The following DTNA variants were observed in gnomAD, a reference collection of about 807,000 sequenced individuals.
DTNA encodes dystrobrevin alpha.
Under a neutral mutation model 100.7 loss-of-function variants are expected in DTNA, and 43 were observed. The observed-to-expected ratio is 0.43, with a 90% CI of 0.33 to 0.55. The LOEUF is 0.55. DTNA is among the 20% of genes least tolerant of loss of function. DTNA has a pLI of 0.04. For synonymous variants in DTNA, 349 were observed against 347.9 expected, an observed-to-expected ratio of 1.00 and a Z score of -0.04; for missense variants, 798 against 953.9, an observed-to-expected ratio of 0.84 and a Z score of 2.15.
intron 1 of DTNA, among the ~76,000 whole-genome samples, chr18:34,543,048 A>G (rs1439628063): frequency 2.0e-5 from 3 of 152,092 alleles, no homozygotes; most frequent in African/African-American, 7.2e-5. Flanking sequence ...AATCTTATTT[A>G]GTAGTATAAT....
intron 17 of DTNA, among the ~76,000 whole-genome samples, chr18:34,870,818 C>G (rs35264829): frequency 1.3e-5 from 2 of 152,214 alleles, no homozygotes; most frequent in African/African-American, 4.8e-5. Context: ...TCTCCCCACA[C>G]TTTCTCATTT....
chr18:34,866,882 T>A, intron 17 of DTNA: 6 of 1,081,320 alleles, frequency 5.5e-6, no homozygotes, highest in Non-Finnish European at 6.7e-6. Flanking sequence ...ATACTTTTTT[T>A]TTTTTCTGGA....
intron 1 of DTNA, among the ~76,000 whole-genome samples, chr18:34,589,218 A>G (rs996479208): frequency 1.3e-5 from 2 of 152,068 alleles, no homozygotes; most frequent in African/African-American, 4.8e-5. Context: ...TGTAAGGTAT[A>G]CATGATGTTT....
At position 34,888,001 on chromosome 18, in the gene DTNA, GA is replaced by G. The variant is rs1234052671; in HGVS notation, c.*276del. The G allele has an allele frequency of 4.2e-5, 41 of 983,166 alleles. No homozygotes were observed. In the East Asian group the frequency reaches 9.1e-4, roughly 22 times the overall value. The allele number at this position is 983,166 out of a possible 1,614,324, so 60.9% of individuals were successfully genotyped here. A position where few individuals can be genotyped will look rare whatever the true frequency, so the allele number is the denominator to read the frequency against. On this transcript the variant is annotated 3_prime_UTR_variant, in exon 23 of 23. Transcript: ENST00000444659. The stretch of plus-strand genomic sequence containing the variant: ...GTGCATAGGTGTGTGTTTCAAGAAG[GA>G]AAAAAAAAGACTTCTGTTCAAAGTT...
intron 1 of DTNA, among the ~76,000 whole-genome samples, chr18:34,654,209 A>T (rs1341537094): frequency 6.6e-6 from 1 of 152,188 alleles, no homozygotes; most frequent in Non-Finnish European, 1.5e-5. Context: ...GATGTGATAG[A>T]GCTGTTGCAA....
At chr18:34,830,918 C>T (rs985412452) in intron 11 of DTNA, among the ~76,000 whole-genome samples, 1 of 152,094 alleles carries the variant, frequency 6.6e-6, no homozygotes, top group African/African-American at 2.4e-5. Flanking sequence ...TATGGTGAGC[C>T]AGCAACATTA....
At chr18:34,543,376 A>G (rs148136751) in intron 1 of DTNA, among the ~76,000 whole-genome samples, 32 of 152,234 alleles carry the variant, frequency 2.1e-4, no homozygotes, top group African/African-American at 4.3e-4. Flanking sequence ...TCAGCACACA[A>G]TAGATCAAAA....
In DTNA at chr18:34,755,971, CAT is replaced by C; in HGVS notation, c.-1-3_-1-2del. On this transcript the variant is annotated splice_polypyrimidine_tract_variant and splice_region_variant and intron_variant, in intron 1 of 22. Transcript: ENST00000444659. ...AATACACATTGTAACTATTTTGTCT[CAT>C]AGAATGATTGAAGATAGTGGGAAAA... The C allele has an allele frequency of 6.2e-7, 1 of 1,612,552 alleles. No individual in the cohort carries two copies.
rs575078077 is a variant in DTNA at position 34,668,900 on chromosome 18, C to G, written c.-1-87076C>G. On this transcript the variant is annotated intron_variant, in intron 1 of 19. Transcript: ENST00000283365. ...TGTGGTGCTGAGAAGAAGGTATATTCTGTTGATTTGGGGTGGAGAGTTCTG... is the reference window on the plus strand; with the variant it reads ...TGTGGTGCTGAGAAGAAGGTATATTGTGTTGATTTGGGGTGGAGAGTTCTG... 3.9e-5 allele frequency among the ~76,000 whole-genome samples: 6 copies of G among 152,266 alleles called. No homozygotes were observed. The South Asian group carries it at 1.0e-3, about 26-fold the overall frequency.
chr18:34,811,894 T>C (rs992355609), intron 5 of DTNA, 65 bp from the exon 6 acceptor site: 1 of 1,592,090 alleles, frequency 6.3e-7, no homozygotes, highest in Non-Finnish European at 8.6e-7. Context: ...GTAGCAGATA[T>C]ATTGAACAAA....
At chr18:34,553,421 T>A (rs1007115427) in intron 1 of DTNA, among the ~76,000 whole-genome samples, 1 of 150,610 alleles carries the variant, frequency 6.6e-6, no homozygotes, top group Non-Finnish European at 1.5e-5. Context: ...TTGTTGCCAT[T>A]GCTTTTGGTG....
intron 1 of DTNA, among the ~76,000 whole-genome samples, chr18:34,607,302 C>T (rs1278107293): frequency 1.3e-5 from 2 of 152,080 alleles, no homozygotes; most frequent in African/African-American, 4.8e-5. Flanking sequence ...ATGTATTTCA[C>T]ATAAATTGAT....
intron 1 of DTNA, among the ~76,000 whole-genome samples, chr18:34,586,851 G>A (rs1280862818): frequency 1.3e-5 from 2 of 152,094 alleles, no homozygotes; most frequent in East Asian, 3.9e-4. Context: ...GGACATTCTG[G>A]TTTCACTGAG....
At position 34,806,733 on chromosome 18, in the gene DTNA, C is replaced by T. The variant is rs139331138; in HGVS notation, c.448+429C>T. Among the ~76,000 whole-genome samples, 4 of 152,194 alleles carry T rather than the reference C, an allele frequency of 2.6e-5. No individual in the cohort carries two copies. The East Asian group carries it at 7.7e-4, about 29-fold the overall frequency. On this transcript the variant is annotated intron_variant, in intron 5 of 22. Coordinates refer to ENST00000444659, the MANE Select transcript of DTNA (RefSeq NM_001386795.1). Reference sequence around the variant, plus strand: ...AGCACTGTTCAAATCACTGGGAACTCCAAAGGTTTCAAAGCCAACAATGTC... The same window carrying T: ...AGCACTGTTCAAATCACTGGGAACTTCAAAGGTTTCAAAGCCAACAATGTC...
intron 1 of DTNA, among the ~76,000 whole-genome samples, chr18:34,604,391 C>T (rs1741241073): frequency 1.3e-5 from 2 of 151,632 alleles, no homozygotes. Context: ...ATTTTTTTTC[C>T]TTTAATTAAT....
In DTNA at chr18:34,882,131, TC is replaced by T; in HGVS notation, c.2227del (p.Arg743GlyfsTer13). 1 of 1,614,040 alleles carries T rather than the reference TC, an allele frequency of 6.2e-7. No homozygotes were observed. Among genetic ancestry groups the T allele is most frequent in the Non-Finnish European group, 8.5e-7 (1 of 1,179,996 alleles). On this transcript the variant is annotated frameshift_variant, in exon 21 of 23. Transcript: ENST00000444659. LOFTEE classifies it high-confidence loss of function. ...PEDENYENDS[V>X]RQLENELQME... ...GATGAAAACTATGAAAATGACTCTG[TC>T]CGGCAGCTGGAGAATGAGCTCCAGA...
chr18:34,503,278 C>CTTTTTTTTTTTTTTTTTTTTTT (rs1568548383), intron 1 of DTNA, among the ~76,000 whole-genome samples: 2 of 112,570 alleles, frequency 1.8e-5, no homozygotes. Flanking sequence ...ATAATTGGCT[C>CTTTTTTTTTTTTTTTTTTTTTT]ATTTTTTTTT....
At chr18:34,875,929 A>T (rs542893984) in intron 18 of DTNA, among the ~76,000 whole-genome samples, 1 of 152,346 alleles carries the variant, frequency 6.6e-6, no homozygotes, top group African/African-American at 2.4e-5. Context: ...AGGGATGGGG[A>T]TGCCAGCCAG....
chr18:34,753,375 T>A lies in DTNA; in HGVS notation c.-1-2601T>A, dbSNP rs1353697166. On this transcript the variant is annotated intron_variant, in intron 1 of 22. Coordinates refer to ENST00000444659, the MANE Select transcript of DTNA (RefSeq NM_001386795.1). ...TTTATTTATTTATTTTATTTTTTTT[T>A]TTTTTTTATTTTTTATTTTTTTTTT... Among the ~76,000 whole-genome samples, 44 of 92,728 alleles carry A rather than the reference T, an allele frequency of 4.7e-4. 1 individual carries two copies. Among genetic ancestry groups the A allele is most frequent in the African/African-American group, 2.4e-3 (39 of 16,052 alleles). 60.8% of individuals were successfully genotyped at this position (92,728 alleles called of 152,430 possible).
Sources: gnomAD v4.1 joint callset for allele counts (sites outside exome capture counted in the v4.1 genomes callset) on GRCh38, gnomAD v4.1.1 for gene constraint, MANE v1.5 for transcripts, NCBI Gene and HGNC (gene_info 2026-07-23, HGNC 2026-07-21) for gene names.